The following HMGA2 variants were observed in gnomAD, a reference collection of about 807,000 sequenced individuals.
HMGA2 encodes the protein high mobility group protein HMGI-C.
HMGA2 carries 8 observed loss-of-function variants against 19.1 expected under a neutral mutation model. The observed-to-expected ratio is 0.42, with a 90% CI of 0.25 to 0.76. The LOEUF is 0.76. HMGA2 is among the 30% of genes least tolerant of loss of function. The probability of loss-of-function intolerance (pLI) is 0.28; values close to 1 mark genes in which losing one functional copy is unlikely to be tolerated. For missense variants in HMGA2, 109 were observed against 136.3 expected, an observed-to-expected ratio of 0.80 and a Z score of 1.00; for synonymous variants, 60 against 48.8, an observed-to-expected ratio of 1.23 and a Z score of -0.96.
At chr12:65,950,710 T>A (rs2121311744) in intron 3 of HMGA2, among the ~76,000 whole-genome samples, 1 of 152,300 alleles carries the variant, frequency 6.6e-6, no homozygotes, top group East Asian at 1.9e-4. Context: ...GGTATGTAAA[T>A]TATGTCTCAG....
intron 3 of HMGA2, 84 bp downstream of exon 3, chr12:65,838,653 T>C: frequency 1.0e-6 from 1 of 961,040 alleles, no homozygotes; most frequent in East Asian, 2.6e-5. Context: ...ATTTCGTCGA[T>C]TACATGAATT....
rs555419294 is a variant in HMGA2 at position 65,825,671 on chromosome 12, G to T, written c.111+290G>T. Among the ~76,000 whole-genome samples the T allele has an allele frequency of 7.9e-5, 12 of 152,090 alleles. No homozygotes were observed. The highest frequency in any genetic ancestry group is 1.8e-4 in the Non-Finnish European group (12 of 68,008). ...GACTTTCGCTATTGTGCACGGCCCC[G>T]AGTGGCGCGGTGTCGCCCAGTGACT... On this transcript the variant is annotated intron_variant, in intron 1 of 4. Transcript: ENST00000403681. The surrounding 1 kb of genome is among the most constrained non-coding windows in gnomAD (Gnocchi z 4.4).
intron 3 of HMGA2, among the ~76,000 whole-genome samples, chr12:65,924,805 C>CA (rs960106733): frequency 6.6e-6 from 1 of 152,024 alleles, no homozygotes; most frequent in Non-Finnish European, 1.5e-5. Flanking sequence ...TCCAAAAAAA[C>CA]AAAAAAAGTA....
intron 3 of HMGA2, among the ~76,000 whole-genome samples, chr12:65,936,130 T>C (rs931946874): frequency 2.6e-5 from 4 of 152,188 alleles, no homozygotes; most frequent in African/African-American, 9.7e-5. Context: ...TGTTTTCCTT[T>C]TACTATTAAG....
intron 1 of HMGA2, 70 bp from the exon 2 acceptor site, chr12:65,827,931 C>G: frequency 9.2e-7 from 1 of 1,088,194 alleles, no homozygotes. Context: ...GAAAATATAG[C>G]TAAAGAGTCA....
chr12:65,886,904 T>C (rs1873681729), intron 3 of HMGA2, among the ~76,000 whole-genome samples: 1 of 152,180 alleles, frequency 6.6e-6, no homozygotes, highest in African/African-American at 2.4e-5. Flanking sequence ...GAATTCCACA[T>C]TTTCTGTTTT....
chr12:65,952,654 C>A, intron 4 of HMGA2: 1 of 469,030 alleles, frequency 2.1e-6, no homozygotes, highest in Non-Finnish European at 3.4e-6. Flanking sequence ...TAAACAAAAA[C>A]TTGACATTTT....
chr12:65,931,626 T>A (rs1875718389), intron 3 of HMGA2, among the ~76,000 whole-genome samples: 1 of 151,860 alleles, frequency 6.6e-6, no homozygotes, highest in Non-Finnish European at 1.5e-5. Flanking sequence ...TGTGTCCAAA[T>A]GTACACGGTA....
intron 2 of HMGA2, chr12:65,828,393 G>C: frequency 2.9e-6 from 1 of 340,782 alleles, no homozygotes; most frequent in Non-Finnish European, 5.6e-6. Flanking sequence ...GGATGAAAAT[G>C]ACACAATTAA....
intron 3 of HMGA2, among the ~76,000 whole-genome samples, chr12:65,934,139 T>C (rs1441693934): frequency 6.6e-6 from 1 of 152,126 alleles, no homozygotes; most frequent in Non-Finnish European, 1.5e-5. Context: ...TTAAAGAAAA[T>C]ACATTCTAAG....
chr12:65,898,037 C>T (rs770546904), intron 3 of HMGA2, among the ~76,000 whole-genome samples: 2 of 151,772 alleles, frequency 1.3e-5, no homozygotes, highest in South Asian at 2.1e-4. Flanking sequence ...TTCCACCAGC[C>T]ACTGATGCTA....
At chr12:65,952,263 A>C in intron 4 of HMGA2, 3 of 897,254 alleles carry the variant, frequency 3.3e-6, no homozygotes, top group Non-Finnish European at 5.3e-6. Flanking sequence ...GAGCTATCAA[A>C]TTAAGTAGAA....
chr12:65,884,091 C>T (rs751230816), intron 3 of HMGA2, among the ~76,000 whole-genome samples: 12 of 152,174 alleles, frequency 7.9e-5, no homozygotes, highest in Non-Finnish European at 1.8e-4. Flanking sequence ...GTCTTGAACT[C>T]CTGACCTCAA....
intron 3 of HMGA2, chr12:65,842,470 C>A: frequency 2.5e-6 from 2 of 806,212 alleles, no homozygotes; most frequent in Non-Finnish European, 4.0e-6. Flanking sequence ...ATATGTCAGA[C>A]TAACCAAGTA....
At chr12:65,960,536 G>A (rs1371681796) in intron 4 of HMGA2, among the ~76,000 whole-genome samples, 5 of 152,170 alleles carry the variant, frequency 3.3e-5, no homozygotes, top group African/African-American at 9.7e-5. Flanking sequence ...AAAGCCACCT[G>A]CCCCACCACA....
Position 65,879,556 on chromosome 12 carries a change from G to A in HMGA2, c.249+40987G>A, listed in dbSNP as rs185288181. Among the ~76,000 whole-genome samples, 524 of 152,238 alleles carry A rather than the reference G, an allele frequency of 3.4e-3. 1 individual carries two copies. Among genetic ancestry groups the A allele is most frequent in the Non-Finnish European group, 5.7e-3 (390 of 68,012 alleles). ...GAGAACAAGAGTATGTACCAAGTAA[G>A]CAAAAGTGTGTTATGACATTTTTTT... is the stretch of plus-strand genomic sequence containing the variant. On this transcript the variant is annotated intron_variant, in intron 3 of 4. Transcript: ENST00000403681.
chr12:65,883,687 ACTT>A (rs1873536914), intron 3 of HMGA2, among the ~76,000 whole-genome samples: 1 of 152,146 alleles, frequency 6.6e-6, no homozygotes, highest in Admixed American at 6.5e-5. Context: ...TGCTAAGGCC[ACTT>A]CTTTGAAAAT....
At chr12:65,855,458 T>TCACACACA (rs3048829) in intron 3 of HMGA2, among the ~76,000 whole-genome samples, 4,070 of 140,192 alleles carry the variant, frequency 0.029, 136 homozygotes, top group African/African-American at 0.077. Context: ...TCTCTCTCTC[T>TCACACACA]CACACACACA....
At chr12:65,897,288 T>C (rs922436047) in intron 3 of HMGA2, among the ~76,000 whole-genome samples, 15 of 152,166 alleles carry the variant, frequency 9.9e-5, no homozygotes, top group African/African-American at 3.6e-4. Flanking sequence ...TTATTGACCA[T>C]AGTCACCCTG....
Sources: allele counts gnomAD v4.1 joint callset (sites outside exome capture counted in the v4.1 genomes callset), GRCh38; gene constraint gnomAD v4.1.1; non-coding constraint Gnocchi (gnomAD v3.1); transcripts MANE v1.5; gene names NCBI Gene and HGNC (gene_info 2026-07-23, HGNC 2026-07-21).